TTC23L: variants seen among roughly 807,000 people sequenced by gnomAD.
TTC23L encodes the protein tetratricopeptide repeat protein 23-like.
Under a neutral mutation model 48.1 loss-of-function variants are expected in TTC23L, and 42 were observed. That is an observed-to-expected ratio of 0.87 (90% CI 0.68 to 1.13). The LOEUF (loss-of-function observed/expected upper bound fraction) is 1.13. Among genes scored for constraint, TTC23L ranks in the 50% most tolerant of loss-of-function variants. The pLI is 0.00. For synonymous variants in TTC23L, 159 were observed against 157.2 expected (o/e 1.01, Z -0.09); for missense variants, 391 against 421.0 (o/e 0.93, Z 0.62).
At chr5:34,900,499 C>CA (rs766643483), downstream of TTC23L, among the ~76,000 whole-genome samples, 4,249 of 116,028 alleles carry the variant, frequency 0.037, 113 homozygotes, top group Non-Finnish European at 0.043. Flanking sequence ...AGACCCTGTT[C>CA]AAAAAAAAAA....
At chr5:34,917,071 C>T in the TTC23L span, among the ~76,000 whole-genome samples, 1 of 151,806 alleles carries the variant, frequency 6.6e-6, no homozygotes, top group African/African-American at 2.4e-5. Flanking sequence ...AGGATTTAGC[C>T]CGTAAGCTGC....
the TTC23L span, among the ~76,000 whole-genome samples, chr5:34,912,394 A>G: frequency 6.6e-6 from 1 of 152,248 alleles, no homozygotes; most frequent in African/African-American, 2.4e-5. Flanking sequence ...ATGACAGGAT[A>G]TTCAAACTCC....
At chr5:34,880,550 G>T (rs942665518) in intron 9 of TTC23L, 1 of 483,352 alleles carries the variant, frequency 2.1e-6, no homozygotes, top group Non-Finnish European at 3.7e-6. Context: ...GGAAACTGCA[G>T]AGTAGGCTCA....
the TTC23L span, among the ~76,000 whole-genome samples, chr5:34,924,377 G>T: frequency 6.6e-6 from 1 of 152,092 alleles, no homozygotes; most frequent in East Asian, 1.9e-4. Context: ...TTTGTTGTTC[G>T]GAAGTTGCCT....
At chr5:34,904,336 C>G (rs1395514025), downstream of TTC23L, among the ~76,000 whole-genome samples, 1 of 151,142 alleles carries the variant, frequency 6.6e-6, no homozygotes, top group Non-Finnish European at 1.5e-5. Context: ...TGGCTCACAC[C>G]TGTAATCCCA....
intron 10 of TTC23L, among the ~76,000 whole-genome samples, chr5:34,899,083 G>A (rs1763404648): frequency 6.6e-6 from 1 of 152,108 alleles, no homozygotes; most frequent in African/African-American, 2.4e-5. Context: ...TTTTCCACCT[G>A]GGATTTAAAC....
At chr5:34,893,900 A>G (rs1283707042) in intron 9 of TTC23L, among the ~76,000 whole-genome samples, 1 of 152,190 alleles carries the variant, frequency 6.6e-6, no homozygotes, top group Non-Finnish European at 1.5e-5. Flanking sequence ...AATGCATATG[A>G]CCAATAAACA....
chr5:34,863,427 C>A lies in TTC23L; in HGVS notation c.536+373C>A, dbSNP rs562484501. 3.3e-5 allele frequency among the ~76,000 whole-genome samples: 5 copies of A among 152,216 alleles called. No individual in the cohort carries two copies. The South Asian group carries it at 1.0e-3, about 32-fold the overall frequency. ...AGAGAATGGGTGATAATTTAAAGCA[C>A]AATTTGGCAAACTAGGCTGCACATT... is the stretch of plus-strand genomic sequence containing the variant. On this transcript the variant is annotated intron_variant, in intron 5 of 10. Coordinates refer to ENST00000505624, the Ensembl canonical transcript of TTC23L. This position sits in a 1 kb window ranked among gnomAD's most constrained non-coding sequence, Gnocchi z 4.1.
intron 8 of TTC23L, among the ~76,000 whole-genome samples, chr5:34,874,216 G>C (rs530639629): frequency 1.3e-5 from 2 of 152,084 alleles, no homozygotes; most frequent in South Asian, 2.1e-4. Context: ...CAGACTTGAC[G>C]TAAAGAAATA....
intron 2 of TTC23L, among the ~76,000 whole-genome samples, chr5:34,841,045 A>C (rs1348925590): frequency 6.6e-6 from 1 of 152,166 alleles, no homozygotes; most frequent in Non-Finnish European, 1.5e-5. Context: ...CTGTCTCAAA[A>C]AAAAATAAAA....
chr5:34,904,265 T>C (rs931510179), downstream of TTC23L, among the ~76,000 whole-genome samples: 8 of 149,048 alleles, frequency 5.4e-5, no homozygotes, highest in Non-Finnish European at 1.0e-4. Context: ...CCACCACACC[T>C]AGCTCAATAA....
chr5:34,898,061 G>C (rs1235623675), intron 10 of TTC23L, among the ~76,000 whole-genome samples: 1 of 152,192 alleles, frequency 6.6e-6, no homozygotes, highest in Non-Finnish European at 1.5e-5. Context: ...TGGGGATGAA[G>C]TATAGTACCT....
intron 4 of TTC23L, among the ~76,000 whole-genome samples, chr5:34,858,244 A>G (rs1760286286): frequency 6.6e-6 from 1 of 152,184 alleles, no homozygotes; most frequent in Non-Finnish European, 1.5e-5. Flanking sequence ...CAGAAAAGTA[A>G]CTTGATCTAT....
chr5:34,887,307 C>A (rs1026855289), intron 9 of TTC23L, among the ~76,000 whole-genome samples: 4 of 151,964 alleles, frequency 2.6e-5, no homozygotes, highest in Admixed American at 2.6e-4. Flanking sequence ...GTAATGGGGG[C>A]AGAAGCCTGA....
At chr5:34,859,749 A>G (rs1760427713) in intron 4 of TTC23L, among the ~76,000 whole-genome samples, 1 of 152,012 alleles carries the variant, frequency 6.6e-6, no homozygotes, top group Non-Finnish European at 1.5e-5. Context: ...TATACCTGAC[A>G]TACAAATTAA....
the TTC23L span, chr5:34,906,884 C>A: frequency 6.6e-6 from 1 of 151,842 alleles, no homozygotes; most frequent in Non-Finnish European, 1.5e-5. Flanking sequence ...GATATTTTCC[C>A]AAGTATCTTT....
chr5:34,914,683 C>T, the TTC23L span: 5 of 1,614,016 alleles, frequency 3.1e-6, no homozygotes, highest in South Asian at 3.3e-5. Flanking sequence ...TTAAAGGCGC[C>T]TACTTCCATA....
chr5:34,879,084 A>G (rs1762048027), intron 8 of TTC23L, among the ~76,000 whole-genome samples: 1 of 152,372 alleles, frequency 6.6e-6, no homozygotes, highest in Non-Finnish European at 1.5e-5. Context: ...TAAGTGAAAC[A>G]AGCCAGACAC....
downstream of TTC23L, among the ~76,000 whole-genome samples, chr5:34,902,839 C>T (rs1763541517): frequency 6.6e-6 from 1 of 151,992 alleles, no homozygotes; most frequent in South Asian, 2.1e-4. Context: ...TTCATTTTAG[C>T]CCTTTCTGGA....
Sources: gnomAD v4.1 joint callset for allele counts (sites outside exome capture counted in the v4.1 genomes callset) on GRCh38, gnomAD v4.1.1 for gene constraint, Gnocchi (gnomAD v3.1) non-coding constraint, MANE v1.5 for transcripts, NCBI Gene and HGNC (gene_info 2026-07-23, HGNC 2026-07-21) for gene names.